Variants in NSF observed in about 807,000 individuals in gnomAD.
NSF encodes the protein vesicle-fusing ATPase.
NSF carries 14 observed loss-of-function variants against 50.3 expected under a neutral mutation model. The ratio of observed to expected loss-of-function variants is 0.28; its 90% CI spans 0.18 to 0.44. The LOEUF is 0.44. NSF is among the 20% of genes least tolerant of loss of function. The pLI, the probability that NSF is intolerant of heterozygous loss-of-function variation, is 1.00. For synonymous variants in NSF, 109 were observed against 175.7 expected (o/e 0.62, Z 3.00); for missense variants, 218 against 504.3 (o/e 0.43, Z 5.44).
At chr17:46,605,995 C>CAAAAAAAAAAAAAA (rs59118188) in intron 1 of NSF, among the ~76,000 whole-genome samples, 2 of 51,054 alleles carry the variant, frequency 3.9e-5, no homozygotes, top group African/African-American at 2.1e-4. Flanking sequence ...ACTAAAAATA[C>CAAAAAAAAAAAAAA]AAAAAAAAAA....
intron 20 of NSF, 173 bp from the exon 21 acceptor site, chr17:46,755,628 GC>G: frequency 1.4e-6 from 1 of 718,032 alleles, no homozygotes; most frequent in Non-Finnish European, 2.3e-6. Context: ...GCTTTTACAT[GC>G]ATGGAGCTGT....
At chr17:46,723,606 G>T (rs1401881381) in intron 15 of NSF, among the ~76,000 whole-genome samples, 3 of 152,140 alleles carry the variant, frequency 2.0e-5, no homozygotes, top group Non-Finnish European at 4.4e-5. Flanking sequence ...ATGTACTCAT[G>T]ATCCATTTTC....
intron 13 of NSF, among the ~76,000 whole-genome samples, chr17:46,707,395 T>C (rs1380367888): frequency 1.3e-5 from 2 of 152,216 alleles, no homozygotes; most frequent in African/African-American, 4.8e-5. Context: ...ACATATAAAG[T>C]TTACCATTGT....
intron 17 of NSF, among the ~76,000 whole-genome samples, chr17:46,742,089 C>T (rs1379985949): frequency 6.6e-6 from 1 of 152,182 alleles, no homozygotes; most frequent in Non-Finnish European, 1.5e-5. Flanking sequence ...AGGTTAATGA[C>T]AGCTAATGAA....
intron 15 of NSF, among the ~76,000 whole-genome samples, chr17:46,716,275 G>C (rs1036410156): frequency 2.4e-5 from 2 of 83,090 alleles, no homozygotes; most frequent in African/African-American, 4.1e-5. Flanking sequence ...TTTTTTTTTT[G>C]AGATGGAGTC....
chr17:46,728,712 AT>A (rs943201126), intron 16 of NSF, 142 bp from the exon 17 acceptor site: 475 of 431,558 alleles, frequency 1.1e-3, no homozygotes, highest in African/African-American at 3.0e-3. Context: ...TACTCTTTAA[AT>A]TTTTTTTTTC....
intron 9 of NSF, among the ~76,000 whole-genome samples, chr17:46,679,088 A>G (rs895858185): frequency 6.6e-6 from 1 of 152,066 alleles, no homozygotes; most frequent in Admixed American, 6.5e-5. Context: ...AGTGTTTAAC[A>G]ACACATGCTT....
intron 15 of NSF, chr17:46,721,720 A>G (rs2058832554): frequency 4.4e-6 from 7 of 1,606,450 alleles, no homozygotes; most frequent in Non-Finnish European, 5.1e-6. Flanking sequence ...GCCGGCTGCT[A>G]TCTAGTTTGA....
At chr17:46,667,565 A>G (rs1256328182) in intron 8 of NSF, among the ~76,000 whole-genome samples, 2 of 142,158 alleles carry the variant, frequency 1.4e-5, no homozygotes, top group African/African-American at 5.1e-5. Flanking sequence ...TTCTTTTGCT[A>G]GTTGTGAAAT....
chr17:46,661,359 A>T (rs1228197502), intron 8 of NSF, among the ~76,000 whole-genome samples: 3 of 146,900 alleles, frequency 2.0e-5, no homozygotes, highest in Admixed American at 1.4e-4. Flanking sequence ...TTTTTATTTG[A>T]ATCTCTTCTA....
chr17:46,606,093 T>C lies in NSF; in HGVS notation c.12+15306T>C, dbSNP rs981870713. Among the ~76,000 whole-genome samples the C allele has an allele frequency of 1.3e-4, 11 of 84,946 alleles. No homozygotes were observed. The East Asian group carries it at 4.2e-3, about 33-fold the overall frequency. 55.7% of individuals were successfully genotyped at this position (84,946 alleles called of 152,430 possible). On this transcript the variant is annotated intron_variant, in intron 1 of 20. Transcript: ENST00000398238. ...ACTCAGGAGGCTGAGGTAGGAGAAT[T>C]GCTTGAACCTGGGAGGCAGAGGTTG...
intron 9 of NSF, among the ~76,000 whole-genome samples, chr17:46,679,932 C>A: frequency 6.9e-6 from 1 of 145,244 alleles, no homozygotes. Context: ...TGTAAAGTGC[C>A]TAGGATTCGA....
chr17:46,737,572 CGTGTGTGTGTGTGT>C (rs10564190), intron 17 of NSF, among the ~76,000 whole-genome samples: 24 of 147,272 alleles, frequency 1.6e-4, no homozygotes, highest in African/African-American at 5.9e-4. Context: ...GGTGTGTGTG[CGTGTGTGTGTGTGT>C]GTGTGTGTGT....
intron 9 of NSF, among the ~76,000 whole-genome samples, chr17:46,679,787 G>A (rs2058436786): frequency 6.6e-6 from 1 of 151,928 alleles, no homozygotes; most frequent in Admixed American, 6.5e-5. Context: ...CCAAAGCATA[G>A]GGAGGAGCTG....
chr17:46,727,257 G>C (rs1442796080), intron 16 of NSF, among the ~76,000 whole-genome samples: 1 of 152,116 alleles, frequency 6.6e-6, no homozygotes, highest in Non-Finnish European at 1.5e-5. Context: ...AAGAAGACTT[G>C]GTCCTGGCAC....
intron 15 of NSF, 64 bp from the exon 16 acceptor site, chr17:46,726,485 C>T: frequency 6.8e-7 from 1 of 1,474,708 alleles, no homozygotes; most frequent in Non-Finnish European, 9.5e-7. Context: ...AGTAACTAAA[C>T]TTCTTGGAAA....
At chr17:46,726,447 C>T in intron 15 of NSF, 102 bp from the exon 16 acceptor site, 2 of 1,021,920 alleles carry the variant, frequency 2.0e-6, no homozygotes. Flanking sequence ...TTGGTGTTTT[C>T]CTGTGCTTTG....
At chr17:46,729,467 A>G (rs2058926856) in intron 17 of NSF, among the ~76,000 whole-genome samples, 1 of 152,080 alleles carries the variant, frequency 6.6e-6, no homozygotes, top group African/African-American at 2.4e-5. Context: ...CTGTGTTTGC[A>G]TTTTTACTGA....
chr17:46,722,218 C>T, intron 15 of NSF: 1 of 1,433,070 alleles, frequency 7.0e-7, no homozygotes. Context: ...AGACCCAAAT[C>T]TCGCGAGAGC....
Sources: gnomAD v4.1 joint callset for allele counts (sites outside exome capture counted in the v4.1 genomes callset) on GRCh38, gnomAD v4.1.1 for gene constraint, MANE v1.5 for transcripts, NCBI Gene and HGNC (gene_info 2026-07-23, HGNC 2026-07-21) for gene names.